The following ATG14 variants were observed in gnomAD, a reference collection of about 807,000 sequenced individuals.
ATG14 encodes the protein beclin 1-associated autophagy-related key regulator.
A neutral mutation model predicts 60.4 loss-of-function variants in ATG14; 35 were observed. The ratio of observed to expected loss-of-function variants is 0.58; its 90% confidence interval spans 0.44 to 0.77. ATG14 has a LOEUF of 0.77. Ranked by LOEUF, ATG14 falls within the 30% of genes least tolerant of loss-of-function variation. The probability of loss-of-function intolerance (pLI) is 0.00; values close to 1 mark genes in which losing one functional copy is unlikely to be tolerated. For synonymous variants in ATG14, 234 were observed against 228.8 expected, an observed-to-expected ratio of 1.02 and a Z score of -0.21; for missense variants, 647 against 626.3, an observed-to-expected ratio of 1.03 and a Z score of -0.35.
chr14:55,371,458 G>C (rs1884814208), intron 9 of ATG14, among the ~76,000 whole-genome samples: 1 of 152,118 alleles, frequency 6.6e-6, no homozygotes, highest in Non-Finnish European at 1.5e-5. Flanking sequence ...TATTAAATTG[G>C]AAGATACGCC....
intron 5 of ATG14, 43 bp downstream of exon 5, chr14:55,385,816 G>A (rs1266894195): frequency 1.4e-6 from 2 of 1,480,984 alleles, no homozygotes; most frequent in Non-Finnish European, 1.8e-6. Context: ...AAAGTATTTG[G>A]AACTTGATCT....
intron 3 of ATG14, among the ~76,000 whole-genome samples, chr14:55,391,558 T>G (rs1012354804): frequency 6.6e-6 from 1 of 151,766 alleles, no homozygotes; most frequent in African/African-American, 2.4e-5. Context: ...GAGAAAAAAG[T>G]TGAAGGACAT....
At chr14:55,378,162 C>A in intron 7 of ATG14, 88 bp from the exon 8 acceptor site, 1 of 1,086,996 alleles carries the variant, frequency 9.2e-7, no homozygotes, top group Non-Finnish European at 1.4e-6. Context: ...TTAGGTATAA[C>A]ACATACTCTG....
chr14:55,409,913 T>G (rs1308404616), intron 1 of ATG14, among the ~76,000 whole-genome samples: 1 of 152,094 alleles, frequency 6.6e-6, no homozygotes, highest in Non-Finnish European at 1.5e-5. Context: ...AGGAAATAAG[T>G]TTATGTCTCT....
At chr14:55,373,786 G>C (rs1383636017) in intron 9 of ATG14, among the ~76,000 whole-genome samples, 2 of 146,278 alleles carry the variant, frequency 1.4e-5, no homozygotes, top group South Asian at 2.2e-4. Context: ...TAATTTTTCT[G>C]TAAGTTTAAA....
chr14:55,388,522 C>G (rs1885162286), intron 4 of ATG14, among the ~76,000 whole-genome samples: 1 of 152,204 alleles, frequency 6.6e-6, no homozygotes. Flanking sequence ...CAGATCAACT[C>G]AACACTGCAA....
intron 5 of ATG14, among the ~76,000 whole-genome samples, chr14:55,383,581 AC>A (rs1885071947): frequency 6.6e-6 from 1 of 151,474 alleles, no homozygotes; most frequent in African/African-American, 2.4e-5. Context: ...AACAACAACA[AC>A]AACAACAAAA....
chr14:55,380,273 CAA>C (rs1392895889), intron 7 of ATG14, among the ~76,000 whole-genome samples: 1 of 151,722 alleles, frequency 6.6e-6, no homozygotes, highest in Non-Finnish European at 1.5e-5. Flanking sequence ...ACAACAACAA[CAA>C]ATCAAAGAAT....
chr14:55,407,090 T>C lies in ATG14; in HGVS notation c.221+4512A>G, dbSNP rs560901236. Among the ~76,000 whole-genome samples the C allele has an allele frequency of 7.2e-5, 11 of 152,040 alleles. No individual in the cohort carries two copies. In the South Asian group the frequency reaches 1.9e-3, roughly 26 times the overall value. On this transcript the variant is annotated intron_variant, in intron 1 of 9. Transcript: ENST00000247178. Reference sequence around the variant, plus strand: ...AATTCTCGTGCCTCAGCTTCCCGAGTAGCTGGGTTTACAGGCCTGCAACAC... The same window carrying C: ...AATTCTCGTGCCTCAGCTTCCCGAGCAGCTGGGTTTACAGGCCTGCAACAC...
intron 1 of ATG14, among the ~76,000 whole-genome samples, chr14:55,407,886 G>A (rs1012361920): frequency 1.3e-4 from 20 of 152,046 alleles, no homozygotes; most frequent in African/African-American, 4.8e-4. Flanking sequence ...TGAAAGACAA[G>A]GTATCAATCA....
At chr14:55,396,368 A>C (rs1023073589) in intron 2 of ATG14, among the ~76,000 whole-genome samples, 2 of 152,274 alleles carry the variant, frequency 1.3e-5, no homozygotes, top group African/African-American at 4.8e-5. Context: ...TCTATGGAAT[A>C]AAATGTTCTA....
In ATG14 at chr14:55,401,631, T is replaced by C. The variant is rs114928742; in HGVS notation, c.222-4197A>G. Among the ~76,000 whole-genome samples the C allele has an allele frequency of 8.4e-3, 1,276 of 152,328 alleles. 23 individuals carry two copies. The highest frequency in any genetic ancestry group is 0.03 in the African/African-American group (1,227 of 41,580). On this transcript the variant is annotated intron_variant, in intron 1 of 9. Coordinates refer to ENST00000247178, the MANE Select transcript of ATG14 (RefSeq NM_014924.5). ...CTTTGTTGTTTCATAAATTCTTCCA[T>C]ACTTTTATGACTTATGATTTTTTTT...
chr14:55,371,790 C>A (rs574432237), intron 9 of ATG14, among the ~76,000 whole-genome samples: 1 of 151,896 alleles, frequency 6.6e-6, no homozygotes, highest in South Asian at 2.1e-4. Flanking sequence ...GGCGACAGAG[C>A]GAGACTCTGT....
rs935854946 is a variant in ATG14, at chr14:55,411,730, G to A, written c.93C>T (p.Asp31=). The change falls in exon 1 of 10, where the codon GAC becomes GAT. Residue 31 remains aspartate (D), a synonymous_variant. Coordinates refer to ENST00000247178, the MANE Select transcript of ATG14 (RefSeq NM_014924.5). ...CAGCCACGTACAGCCCCTCCGCATC[G>A]TCCACGGAGTCCACCAGGTCCCGGG... The part of the protein sequence containing the change: ...PLARDLVDSV[D]DAEGLYVAVE... 2 of 1,611,124 alleles carry A rather than the reference G, an allele frequency of 1.2e-6. No individual in the cohort carries two copies. Among genetic ancestry groups the A allele is most frequent in the Admixed American group, 1.7e-5 (1 of 59,766 alleles).
chr14:55,409,882 G>A (rs1004953627), intron 1 of ATG14, among the ~76,000 whole-genome samples: 1 of 152,256 alleles, frequency 6.6e-6, no homozygotes, highest in African/African-American at 2.4e-5. Flanking sequence ...AGGGGAGCAA[G>A]GACGGAAGCA....
At chr14:55,379,455 T>C (rs1005845967) in intron 7 of ATG14, among the ~76,000 whole-genome samples, 1 of 151,952 alleles carries the variant, frequency 6.6e-6, no homozygotes, top group Non-Finnish European at 1.5e-5. Context: ...GGTGGGAGGA[T>C]TGCTTGGGCC....
Position 55,398,222 on chromosome 14 carries a change from C to G in ATG14, c.222-788G>C, listed in dbSNP as rs895526365. Among the ~76,000 whole-genome samples the G allele has an allele frequency of 2.6e-5, 4 of 152,168 alleles. No homozygotes were observed. In the East Asian group the frequency reaches 7.7e-4, roughly 29 times the overall value. ...CGCCTCTGCCTCCCAAAGTGCTGGGCTTACAGGTGTGAGCCACCGCGCCCA... is the reference window on the plus strand; with the variant it reads ...CGCCTCTGCCTCCCAAAGTGCTGGGGTTACAGGTGTGAGCCACCGCGCCCA... On this transcript the variant is annotated intron_variant, in intron 1 of 9. Transcript: ENST00000247178.
At chr14:55,388,905 C>T (rs1885168070) in intron 4 of ATG14, among the ~76,000 whole-genome samples, 1 of 152,016 alleles carries the variant, frequency 6.6e-6, no homozygotes, top group Non-Finnish European at 1.5e-5. Flanking sequence ...GTTAACCAGT[C>T]ATGATGAGAG....
chr14:55,368,709 A>C lies in ATG14; in HGVS notation c.*910T>G, dbSNP rs1884741582. On this transcript the variant is annotated 3_prime_UTR_variant, in exon 10 of 10. Coordinates refer to ENST00000247178, the MANE Select transcript of ATG14 (RefSeq NM_014924.5). ...ATCCCATAGAAAGAAAGTGGACACC[A>C]CAAGAATGACCAGAGGCCACTTAAC... 6.6e-6 allele frequency: 1 copy of C among 152,226 alleles called. No homozygotes were observed. The highest frequency in any genetic ancestry group is 2.1e-4 in the South Asian group (1 of 4,834). The allele number at this position is 152,226 out of a possible 1,614,324, so 9.4% of individuals were successfully genotyped here. A position where few individuals can be genotyped will look rare whatever the true frequency, so the allele number is the denominator to read the frequency against.
Sources: gnomAD v4.1 joint callset for allele counts (sites outside exome capture counted in the v4.1 genomes callset) on GRCh38, gnomAD v4.1.1 for gene constraint, MANE v1.5 for transcripts, NCBI Gene and HGNC (gene_info 2026-07-23, HGNC 2026-07-21) for gene names.